NTN1: variants seen among roughly 807,000 people sequenced by gnomAD.
The protein encoded by NTN1 is netrin-1.
Under a neutral mutation model 54.2 loss-of-function variants are expected in NTN1, and 11 were observed. The ratio of observed to expected loss-of-function variants is 0.20; its 90% confidence interval spans 0.13 to 0.34. The LOEUF (loss-of-function observed/expected upper bound fraction) is 0.34. Among genes scored for constraint, NTN1 ranks in the 10% least tolerant of loss-of-function variants. The pLI, the probability that NTN1 is intolerant of heterozygous loss-of-function variation, is 1.00. For synonymous variants in NTN1, 371 were observed against 382.0 expected, an observed-to-expected ratio of 0.97 and a Z score of 0.33; for missense variants, 740 against 893.1, an observed-to-expected ratio of 0.83 and a Z score of 2.18.
intron 2 of NTN1, among the ~76,000 whole-genome samples, chr17:9,026,623 C>A (rs1328198753): frequency 6.6e-6 from 1 of 151,820 alleles, no homozygotes; most frequent in South Asian, 2.1e-4. Context: ...CAGTTGTAAA[C>A]CACCTGGGTT....
chr17:9,234,486 T>C (rs1009042814), intron 6 of NTN1, among the ~76,000 whole-genome samples: 2 of 152,262 alleles, frequency 1.3e-5, no homozygotes, highest in Non-Finnish European at 2.9e-5. Context: ...TTGCTTTCCC[T>C]TGGGCATCTT....
At chr17:9,166,841 G>A (rs1255398188) in intron 3 of NTN1, among the ~76,000 whole-genome samples, 3 of 152,222 alleles carry the variant, frequency 2.0e-5, no homozygotes, top group African/African-American at 2.4e-5. Flanking sequence ...TGGGCAGGGG[G>A]CCGAGGCCAC....
intron 5 of NTN1, among the ~76,000 whole-genome samples, chr17:9,192,854 G>A (rs1468985031): frequency 6.6e-6 from 1 of 152,188 alleles, no homozygotes; most frequent in Admixed American, 6.5e-5. Flanking sequence ...GCCGAGGCAG[G>A]CAGATCACCT....
At position 9,205,006 on chromosome 17, in the gene NTN1, T is replaced by C. The variant is rs1379046262; in HGVS notation, c.1412-16162T>C. ...GAACTCCAGGTTTCACACTTTCTTC[T>C]TTTCTTTCTCTTCTTCCCTGCCTGG... On this transcript the variant is annotated intron_variant, in intron 5 of 6. Coordinates refer to ENST00000173229, the MANE Select transcript of NTN1 (RefSeq NM_004822.3). Among the ~76,000 whole-genome samples, 3 of 152,280 alleles carry C rather than the reference T, an allele frequency of 2.0e-5. No individual in the cohort carries two copies. In the East Asian group the frequency reaches 5.8e-4, roughly 29 times the overall value.
intron 3 of NTN1, chr17:9,177,884 A>G (rs1597521093): frequency 6.6e-6 from 1 of 152,338 alleles, no homozygotes. Context: ...ATCTAAGAAG[A>G]CAATTTCCTA....
At chr17:9,005,430 A>G in the NTN1 span, among the ~76,000 whole-genome samples, 1 of 150,736 alleles carries the variant, frequency 6.6e-6, no homozygotes, top group Non-Finnish European at 1.5e-5. Flanking sequence ...CCCCGACCCA[A>G]CACACACACA....
intron 2 of NTN1, among the ~76,000 whole-genome samples, chr17:9,048,404 C>T (rs1488536044): frequency 6.6e-6 from 1 of 152,004 alleles, no homozygotes; most frequent in African/African-American, 2.4e-5. Flanking sequence ...TGCTGTCCTC[C>T]AGGCTTTGTT....
chr17:9,039,217 C>T (rs2091913682), intron 2 of NTN1, among the ~76,000 whole-genome samples: 1 of 152,066 alleles, frequency 6.6e-6, no homozygotes, highest in South Asian at 2.1e-4. Flanking sequence ...CATTGCTATT[C>T]TTGCTTGCTT....
intron 2 of NTN1, among the ~76,000 whole-genome samples, chr17:9,162,133 C>T (rs949263635): frequency 2.0e-5 from 3 of 152,070 alleles, no homozygotes; most frequent in South Asian, 2.1e-4. Flanking sequence ...GGGCAGCCTC[C>T]GGAAGCTGGA....
chr17:9,100,793 A>G (rs1323915688), intron 2 of NTN1, among the ~76,000 whole-genome samples: 3 of 151,970 alleles, frequency 2.0e-5, no homozygotes, highest in Non-Finnish European at 4.4e-5. Flanking sequence ...TTTTAATCAG[A>G]TGGTTAGTTT....
In NTN1 at chr17:9,023,798, C is replaced by T. The variant is rs73973276; in HGVS notation, c.1018+407C>T. Reference sequence around the variant, plus strand: ...GGGCTCGCGGTTGGGGACCCCGGCCCAGTTCCTGGGAAGTTCCAACTCCAC... The same window carrying T: ...GGGCTCGCGGTTGGGGACCCCGGCCTAGTTCCTGGGAAGTTCCAACTCCAC... On this transcript the variant is annotated intron_variant, in intron 2 of 6. Coordinates refer to ENST00000173229, the MANE Select transcript of NTN1 (RefSeq NM_004822.3). Among the ~76,000 whole-genome samples the T allele has an allele frequency of 5.6e-3, 859 of 152,358 alleles. 9 individuals carry two copies. The highest frequency in any genetic ancestry group is 0.019 in the African/African-American group (802 of 41,592).
At chr17:9,061,817 C>T (rs1359046082) in intron 2 of NTN1, among the ~76,000 whole-genome samples, 1 of 152,176 alleles carries the variant, frequency 6.6e-6, no homozygotes, top group African/African-American at 2.4e-5. Context: ...AATTCTCCTG[C>T]CTCAGCCTCC....
intron 2 of NTN1, among the ~76,000 whole-genome samples, chr17:9,067,740 G>A (rs1002614124): frequency 6.6e-6 from 1 of 152,188 alleles, no homozygotes; most frequent in Non-Finnish European, 1.5e-5. Context: ...TGGATCGGGA[G>A]TTAGTTCTTC....
In NTN1 at chr17:9,146,980, G is replaced by C. The variant is rs1204895320; in HGVS notation, c.1019-15833G>C. Reference sequence around the variant, plus strand: ...CTTGCTACCTCTCTGTGGAAGATCAGTCTGCCCTAAAGCTTTTGAACCCCC... The same window carrying C: ...CTTGCTACCTCTCTGTGGAAGATCACTCTGCCCTAAAGCTTTTGAACCCCC... On this transcript the variant is annotated intron_variant, in intron 2 of 6. Coordinates refer to ENST00000173229, the MANE Select transcript of NTN1 (RefSeq NM_004822.3). Among the ~76,000 whole-genome samples the C allele has an allele frequency of 2.6e-5, 4 of 152,192 alleles. No homozygotes were observed. In the East Asian group the frequency reaches 7.7e-4, roughly 29 times the overall value.
intron 5 of NTN1, among the ~76,000 whole-genome samples, chr17:9,207,632 T>C (rs9892349): frequency 6.6e-6 from 1 of 152,108 alleles, no homozygotes; most frequent in Non-Finnish European, 1.5e-5. Flanking sequence ...GCTAGATCCT[T>C]TCCACTTCCC....
chr17:9,134,772 G>C (rs528787607), intron 2 of NTN1, among the ~76,000 whole-genome samples: 1 of 152,144 alleles, frequency 6.6e-6, no homozygotes, highest in African/African-American at 2.4e-5. Flanking sequence ...CACAGAGCCC[G>C]CTGAGTTTAA....
intron 2 of NTN1, among the ~76,000 whole-genome samples, chr17:9,162,432 C>T (rs751160087): frequency 2.0e-5 from 3 of 152,098 alleles, no homozygotes; most frequent in South Asian, 2.1e-4. Flanking sequence ...ATCTCTCCTC[C>T]GTGCACATGC....
intron 2 of NTN1, among the ~76,000 whole-genome samples, chr17:9,075,672 G>A (rs1257105735): frequency 2.0e-5 from 3 of 152,162 alleles, no homozygotes; most frequent in Non-Finnish European, 4.4e-5. Context: ...CTTTGGGAGG[G>A]GGAAGCTTTG....
intron 6 of NTN1, among the ~76,000 whole-genome samples, chr17:9,228,908 CTGTG>C (rs1555579196): frequency 6.7e-5 from 10 of 149,502 alleles, no homozygotes; most frequent in African/African-American, 2.5e-4. Flanking sequence ...GTGTTCGTGA[CTGTG>C]TGTGACTGCG....
Sources: gnomAD v4.1 joint callset for allele counts (sites outside exome capture counted in the v4.1 genomes callset) on GRCh38, gnomAD v4.1.1 for gene constraint, MANE v1.5 for transcripts, NCBI Gene and HGNC (gene_info 2026-07-23, HGNC 2026-07-21) for gene names.